The following TRPM3 variants were observed in gnomAD, a reference collection of about 807,000 sequenced individuals.
TRPM3 encodes the protein transient receptor potential cation channel subfamily M member 3.
TRPM3 carries 77 observed loss-of-function variants against 181.2 expected under a neutral mutation model. That is an observed-to-expected ratio of 0.42 (90% CI 0.35 to 0.51). The LOEUF is 0.51. Ranked by LOEUF, TRPM3 falls within the 20% of genes least tolerant of loss-of-function variation. TRPM3 has a pLI of 0.01. For missense variants in TRPM3, 1,759 were observed against 2,196.7 expected (o/e 0.80, Z 3.98); for synonymous variants, 745 against 796.4 (o/e 0.94, Z 1.09).
chr9:70,843,462 T>C (rs1433689865), intron 4 of TRPM3, among the ~76,000 whole-genome samples: 1 of 152,222 alleles, frequency 6.6e-6, no homozygotes, highest in Admixed American at 6.5e-5. Flanking sequence ...AATTTGTTAG[T>C]ATGATTAGGA....
At chr9:70,564,313 C>A (rs180843736) in intron 22 of TRPM3, among the ~76,000 whole-genome samples, 5 of 152,188 alleles carry the variant, frequency 3.3e-5, no homozygotes, top group Admixed American at 6.5e-5. Context: ...GTCCACCTAC[C>A]TATAATTCAT....
intron 8 of TRPM3, among the ~76,000 whole-genome samples, chr9:70,748,162 A>G (rs1456974150): frequency 1.3e-5 from 2 of 152,202 alleles, no homozygotes; most frequent in African/African-American, 4.8e-5. Flanking sequence ...GGAAGTTGAT[A>G]GCCTCAAATG....
chr9:71,395,977 A>G (rs955943655), intron 1 of TRPM3, among the ~76,000 whole-genome samples: 5 of 152,222 alleles, frequency 3.3e-5, no homozygotes, highest in African/African-American at 1.2e-4. Flanking sequence ...CAGGAAAACC[A>G]TTTAGAAAAG....
At chr9:70,925,054 C>G (rs918173457) in intron 1 of TRPM3, among the ~76,000 whole-genome samples, 1 of 152,178 alleles carries the variant, frequency 6.6e-6, no homozygotes, top group Non-Finnish European at 1.5e-5. Flanking sequence ...TGCACGGACT[C>G]ACTTGAGTCA....
At chr9:71,013,612 C>T (rs528546929) in intron 1 of TRPM3, among the ~76,000 whole-genome samples, 1 of 151,908 alleles carries the variant, frequency 6.6e-6, no homozygotes, top group East Asian at 1.9e-4. Flanking sequence ...TCTGTGGAAA[C>T]CAGTTTAAGT....
intron 1 of TRPM3, among the ~76,000 whole-genome samples, chr9:71,310,322 T>C (rs1430190452): frequency 6.6e-6 from 1 of 152,070 alleles, no homozygotes; most frequent in African/African-American, 2.4e-5. Flanking sequence ...TACTATAATC[T>C]TGAAAACCGA....
At chr9:70,888,750 G>A (rs976776990) in intron 1 of TRPM3, among the ~76,000 whole-genome samples, 1 of 152,166 alleles carries the variant, frequency 6.6e-6, no homozygotes, top group African/African-American at 2.4e-5. Context: ...GGAAGGAGAT[G>A]ACATGTGGTT....
chr9:70,977,033 G>T (rs1005159345), intron 1 of TRPM3, among the ~76,000 whole-genome samples: 3 of 152,054 alleles, frequency 2.0e-5, no homozygotes, highest in African/African-American at 7.2e-5. Flanking sequence ...CTTTATGAAG[G>T]GTAAAAAATA....
chr9:70,616,833 G>A (rs562383500), intron 17 of TRPM3, among the ~76,000 whole-genome samples: 13 of 152,198 alleles, frequency 8.5e-5, no homozygotes, highest in African/African-American at 2.2e-4. Context: ...CACTAAATAC[G>A]GAAGCCTTTC....
chr9:71,332,376 GGTGTGTGTGTGTGT>G lies in TRPM3; in HGVS notation c.183+114263_183+114276del, dbSNP rs3041716. On this transcript the variant is annotated intron_variant, in intron 1 of 24. Coordinates refer to the TRPM3 transcript ENST00000357533. ...TCTAGGTCAGTGGTTTTCAATGTTG[GGTGTGTGTGTGTGT>G]GTGTGTGTGTGTGTGTGTGTGTTTC... 6.1e-3 allele frequency among the ~76,000 whole-genome samples: 875 copies of G among 142,322 alleles called. 20 individuals carry two copies. Among genetic ancestry groups the G allele is most frequent in the African/African-American group, 0.021 (828 of 39,074 alleles). The allele number at this position is 142,322 out of a possible 152,430, so 93.4% of individuals were successfully genotyped here.
intron 1 of TRPM3, among the ~76,000 whole-genome samples, chr9:71,314,422 A>G (rs1304046930): frequency 6.6e-6 from 1 of 152,186 alleles, no homozygotes; most frequent in African/African-American, 2.4e-5. Context: ...AGTTTCAACT[A>G]TAGTCAACAT....
chr9:70,948,984 A>C (rs1006877762), intron 1 of TRPM3, among the ~76,000 whole-genome samples: 1 of 152,114 alleles, frequency 6.6e-6, no homozygotes. Flanking sequence ...TAGGGAGAGA[A>C]AGTCAATGAC....
At chr9:70,898,564 A>T (rs1428728774) in intron 1 of TRPM3, among the ~76,000 whole-genome samples, 1 of 150,792 alleles carries the variant, frequency 6.6e-6, no homozygotes, top group Non-Finnish European at 1.5e-5. Flanking sequence ...CCTGGCCAAC[A>T]TAATGAAACC....
chr9:71,406,215 A>G (rs927351944), intron 1 of TRPM3, among the ~76,000 whole-genome samples: 1 of 152,352 alleles, frequency 6.6e-6, no homozygotes, highest in Non-Finnish European at 1.5e-5. Context: ...CACGATGCCT[A>G]TGCTAAAGTG....
intron 1 of TRPM3, among the ~76,000 whole-genome samples, chr9:71,318,736 G>C (rs916950563): frequency 6.6e-6 from 1 of 152,116 alleles, no homozygotes; most frequent in African/African-American, 2.4e-5. Flanking sequence ...TTTTCTTCTT[G>C]AGTCACTTAG....
At chr9:71,019,497 C>T (rs2097823343) in intron 1 of TRPM3, among the ~76,000 whole-genome samples, 1 of 151,962 alleles carries the variant, frequency 6.6e-6, no homozygotes, top group South Asian at 2.1e-4. Flanking sequence ...CATCAAAAAT[C>T]TTTAAATGCC....
intron 1 of TRPM3, among the ~76,000 whole-genome samples, chr9:71,064,231 A>C (rs2061645710): frequency 6.6e-6 from 1 of 152,068 alleles, no homozygotes; most frequent in Admixed American, 6.6e-5. Context: ...AAAGTTTTTC[A>C]GATTTTTATG....
chr9:71,407,864 G>A (rs930790083), intron 1 of TRPM3, among the ~76,000 whole-genome samples: 2 of 152,178 alleles, frequency 1.3e-5, no homozygotes, highest in East Asian at 1.9e-4. Context: ...GTGCCCCTCT[G>A]AGACAAAGCT....
rs115241832 is a variant in TRPM3 at position 71,391,042 on chromosome 9, G to A, written c.183+55611C>T. On this transcript the variant is annotated intron_variant, in intron 1 of 24. Coordinates refer to the TRPM3 transcript ENST00000357533. ...TTATGTAGATCCAAATGAATAAAAC[G>A]TGAGTAGATAAGAAAGCAAATATTT... Among the ~76,000 whole-genome samples the A allele has an allele frequency of 4.1e-4, 63 of 152,020 alleles. 1 individual carries two copies. The highest frequency in any genetic ancestry group is 1.4e-3 in the African/African-American group (57 of 41,532).
Sources: allele counts gnomAD v4.1 joint callset (sites outside exome capture counted in the v4.1 genomes callset), GRCh38; gene constraint gnomAD v4.1.1; transcripts MANE v1.5; gene names NCBI Gene and HGNC (gene_info 2026-07-23, HGNC 2026-07-21).